RGS5: variants seen among roughly 807,000 people sequenced by gnomAD.
RGS5 encodes the protein regulator of G-protein signalling 5.
A neutral mutation model predicts 18.9 loss-of-function variants in RGS5; 20 were observed. That is an observed-to-expected ratio of 1.06 (90% CI 0.74 to 1.54). RGS5 has a LOEUF of 1.54. RGS5 is among the 40% of genes most tolerant of loss of function. The pLI is 0.00. For missense variants in RGS5, 201 were observed against 211.8 expected, an observed-to-expected ratio of 0.95 and a Z score of 0.32; for synonymous variants, 57 against 76.2, an observed-to-expected ratio of 0.75 and a Z score of 1.31.
chr1:163,317,183 G>A (rs759293413), intron 1 of RGS5, among the ~76,000 whole-genome samples: 1 of 152,160 alleles, frequency 6.6e-6, no homozygotes, highest in Non-Finnish European at 1.5e-5. Context: ...TACCTCCCAA[G>A]TGAGTCTGCC....
chr1:163,310,574 CAA>C (rs36115669), intron 1 of RGS5, among the ~76,000 whole-genome samples: 1,384 of 63,518 alleles, frequency 0.022, 20 homozygotes, highest in African/African-American at 0.083. Context: ...GACTCCGTCT[CAA>C]AAAAAAAAAA....
At chr1:163,220,782 G>C (rs1490692418), upstream of RGS5, among the ~76,000 whole-genome samples, 1 of 152,158 alleles carries the variant, frequency 6.6e-6, no homozygotes, top group Non-Finnish European at 1.5e-5. Flanking sequence ...TGGGCCCAAT[G>C]TCATCACAAG....
intron 2 of RGS5, among the ~76,000 whole-genome samples, chr1:163,265,002 T>C (rs192411106): frequency 6.6e-6 from 1 of 152,274 alleles, no homozygotes; most frequent in Admixed American, 6.5e-5. Context: ...ATGCTGAGCA[T>C]TGCAAAAGCA....
At chr1:163,194,769 GA>G (rs1659495873) in intron 1 of RGS5, among the ~76,000 whole-genome samples, 1 of 152,100 alleles carries the variant, frequency 6.6e-6, no homozygotes, top group African/African-American at 2.4e-5. Context: ...ATCCAATTGA[GA>G]AAAGAGCATT....
intron 2 of RGS5, among the ~76,000 whole-genome samples, chr1:163,258,645 C>CTG (rs113301415): frequency 0.046 from 6,859 of 148,316 alleles, 237 homozygotes; most frequent in African/African-American, 0.086. Context: ...GTAAGTGTGT[C>CTG]TGTGTGTGTG....
intron 2 of RGS5, among the ~76,000 whole-genome samples, chr1:163,286,287 C>T (rs1649145079): frequency 6.6e-6 from 1 of 152,062 alleles, no homozygotes; most frequent in African/African-American, 2.4e-5. Context: ...TGCCATTTTA[C>T]ATAAGGGACT....
chr1:163,282,045 G>GCACA (rs750266307), intron 2 of RGS5, among the ~76,000 whole-genome samples: 2,699 of 143,988 alleles, frequency 0.019, 39 homozygotes, highest in Non-Finnish European at 0.028. Context: ...GTGCACGCGC[G>GCACA]CGCACACACA....
intron 2 of RGS5, among the ~76,000 whole-genome samples, chr1:163,261,312 C>T (rs201081596): frequency 6.6e-6 from 1 of 152,144 alleles, no homozygotes; most frequent in African/African-American, 2.4e-5. Context: ...TGGCAGTTTT[C>T]TCTACCCCTT....
chr1:163,294,792 T>G (rs1321090574), intron 2 of RGS5, among the ~76,000 whole-genome samples: 1 of 152,194 alleles, frequency 6.6e-6, no homozygotes, highest in African/African-American at 2.4e-5. Flanking sequence ...TGTGAGCACA[T>G]GTAACTGCAC....
intron 2 of RGS5, among the ~76,000 whole-genome samples, chr1:163,270,491 G>C (rs1000693439): frequency 6.6e-6 from 1 of 151,774 alleles, no homozygotes; most frequent in Non-Finnish European, 1.5e-5. Flanking sequence ...CTGCACTCCA[G>C]CCTGGGCAAG....
At chr1:163,313,530 A>G (rs1649930983) in intron 1 of RGS5, among the ~76,000 whole-genome samples, 1 of 152,322 alleles carries the variant, frequency 6.6e-6, no homozygotes, top group East Asian at 1.9e-4. Flanking sequence ...ATACATATGT[A>G]GGGCATCTCT....
intron 2 of RGS5, among the ~76,000 whole-genome samples, chr1:163,249,338 T>A (rs1166610552): frequency 1.3e-5 from 2 of 152,256 alleles, no homozygotes; most frequent in Non-Finnish European, 2.9e-5. Flanking sequence ...AGTCTCTTAA[T>A]TAGTATGTTG....
upstream of RGS5, among the ~76,000 whole-genome samples, chr1:163,205,841 T>G (rs1171464209): frequency 1.3e-5 from 2 of 151,388 alleles, no homozygotes; most frequent in Non-Finnish European, 2.9e-5. Flanking sequence ...GTGTCTTTAT[T>G]TTAACTATTA....
rs138942501 is a variant in RGS5, at chr1:163,179,528, T to C, written c.45-11160A>G. On this transcript the variant is annotated intron_variant, in intron 1 of 4. Coordinates refer to ENST00000313961, the MANE Select transcript of RGS5 (RefSeq NM_003617.4). ...ACAGCTGTCAACATAGAACGTAACATAGAGCATAACAATTGGAAATAGAGA... is the reference window on the plus strand; with the variant it reads ...ACAGCTGTCAACATAGAACGTAACACAGAGCATAACAATTGGAAATAGAGA... Among the ~76,000 whole-genome samples the C allele has an allele frequency of 6.1e-3, 925 of 152,234 alleles. 11 individuals are homozygous for C. The highest frequency in any genetic ancestry group is 0.021 in the African/African-American group (865 of 41,550).
chr1:163,179,163 A>C lies in RGS5; in HGVS notation c.45-10795T>G, dbSNP rs565955603. On this transcript the variant is annotated intron_variant, in intron 1 of 4. Coordinates refer to ENST00000313961, the MANE Select transcript of RGS5 (RefSeq NM_003617.4). ...AAAATCCAATTAATACCAAAACTAA[A>C]CTCTTGTTTTCTTAAAGCAAGAGAC... is the stretch of plus-strand genomic sequence containing the variant. Among the ~76,000 whole-genome samples the C allele has an allele frequency of 1.1e-4, 17 of 152,190 alleles. No homozygotes were observed. In the South Asian group the frequency reaches 3.5e-3, roughly 32 times the overall value.
chr1:163,172,697 T>A (rs369058433), intron 1 of RGS5: 2 of 1,225,060 alleles, frequency 1.6e-6, no homozygotes, highest in East Asian at 2.6e-5. Flanking sequence ...CATTATAAAG[T>A]TAAGAGTATT....
At chr1:163,232,848 C>G (rs1031072238) in intron 2 of RGS5, among the ~76,000 whole-genome samples, 1 of 152,142 alleles carries the variant, frequency 6.6e-6, no homozygotes, top group African/African-American at 2.4e-5. Flanking sequence ...GTATGAAGTA[C>G]AGCATAGACC....
At chr1:163,311,485 T>C (rs56961425) in intron 1 of RGS5, among the ~76,000 whole-genome samples, 10,273 of 152,278 alleles carry the variant, frequency 0.067, 366 homozygotes, top group South Asian at 0.094. Flanking sequence ...CTAAGTTTAA[T>C]CATTTCTAGT....
chr1:163,271,970 A>AT (rs909405117), intron 2 of RGS5, among the ~76,000 whole-genome samples: 1 of 151,620 alleles, frequency 6.6e-6, no homozygotes, highest in East Asian at 1.9e-4. Context: ...TGTCTTATTT[A>AT]TTTTTTTATT....
Sources: gnomAD v4.1 joint callset for allele counts (sites outside exome capture counted in the v4.1 genomes callset) on GRCh38, gnomAD v4.1.1 for gene constraint, MANE v1.5 for transcripts, NCBI Gene and HGNC (gene_info 2026-07-23, HGNC 2026-07-21) for gene names.